Variants in ZNF679 observed in about 807,000 individuals in gnomAD.
ZNF679 encodes the protein zinc finger protein 679.
In ZNF679, 10 loss-of-function variants were observed where a neutral mutation model predicts 13.4. That is an observed-to-expected ratio of 0.75 (90% CI 0.46 to 1.27). The LOEUF (loss-of-function observed/expected upper bound fraction) is 1.27, where lower values mean the gene tolerates loss of function less well. Among genes scored for constraint, ZNF679 ranks in the 50% most tolerant of loss-of-function variants. ZNF679 has a pLI of 0.00. For missense variants in ZNF679, 525 were observed against 477.8 expected (o/e 1.10, Z -0.92); for synonymous variants, 179 against 162.5 (o/e 1.10, Z -0.77).
At chr7:64,260,984 A>G (rs1272237516) in intron 4 of ZNF679, 55 bp downstream of exon 4, 2 of 1,525,302 alleles carry the variant, frequency 1.3e-6, no homozygotes, top group African/African-American at 1.4e-5. Flanking sequence ...AAAGTCAAGG[A>G]GGAAGCCAGT....
chr7:64,249,646 T>C (rs796135523), intron 2 of ZNF679, among the ~76,000 whole-genome samples: 16 of 152,288 alleles, frequency 1.1e-4, no homozygotes, highest in African/African-American at 3.6e-4. Flanking sequence ...TTGTGGTCCA[T>C]GGGAGAGACT....
chr7:64,253,709 A>G (rs1787970239), intron 2 of ZNF679, among the ~76,000 whole-genome samples: 1 of 152,212 alleles, frequency 6.6e-6, no homozygotes, highest in South Asian at 2.1e-4. Context: ...AGAGAATAGC[A>G]AACAAATTTA....
chr7:64,266,554 A>T lies in ZNF679; in HGVS notation c.921A>T (p.Leu307Phe), dbSNP rs372911032. The T allele has an allele frequency of 1.2e-5, 20 of 1,611,204 alleles. No homozygotes were observed. Among genetic ancestry groups the T allele is most frequent in the Admixed American group, 3.3e-5 (2 of 59,900 alleles). ...TCEECGKAFS[L>F]SSSLTYHKRI... ...AAGAATGTGGCAAAGCCTTTAGCTT[A>T]TCCTCATCCCTCACTTACCACAAGA... The change falls in exon 5 of 5, where the codon TTA (leucine) becomes TTT (phenylalanine). Residue 307 changes from leucine to phenylalanine, a missense_variant. Leu to Phe is a conservative substitution (Grantham distance 22). Transcript: ENST00000421025.
At chr7:64,231,672 A>G (rs1787641134) in intron 1 of ZNF679, among the ~76,000 whole-genome samples, 1 of 152,150 alleles carries the variant, frequency 6.6e-6, no homozygotes, top group African/African-American at 2.4e-5. Context: ...AGTTGAGCCT[A>G]GAAAGAAAGG....
At chr7:64,260,022 T>C (rs1788054036) in intron 2 of ZNF679, among the ~76,000 whole-genome samples, 199 bp from the exon 3 acceptor site, 1 of 152,184 alleles carries the variant, frequency 6.6e-6, no homozygotes, top group African/African-American at 2.4e-5. Context: ...AAAAGTATCA[T>C]ATCTACAGTG....
intron 1 of ZNF679, among the ~76,000 whole-genome samples, chr7:64,239,275 C>T (rs1208573932): frequency 1.3e-5 from 2 of 152,162 alleles, no homozygotes; most frequent in Non-Finnish European, 2.9e-5. Flanking sequence ...TTGTGACACC[C>T]CTACTGGGAC....
At chr7:64,241,189 T>G (rs1029961604) in intron 1 of ZNF679, among the ~76,000 whole-genome samples, 11 of 152,206 alleles carry the variant, frequency 7.2e-5, no homozygotes, top group African/African-American at 2.7e-4. Context: ...GTCATAATAG[T>G]CTGTGACCAT....
chr7:64,248,079 A>G (rs956858562), intron 1 of ZNF679, among the ~76,000 whole-genome samples: 2 of 152,054 alleles, frequency 1.3e-5, no homozygotes, highest in African/African-American at 2.4e-5. Flanking sequence ...TCCTCAGGAA[A>G]CCTACAATCA....
At chr7:64,257,659 C>T (rs1214393452) in intron 2 of ZNF679, among the ~76,000 whole-genome samples, 3 of 152,152 alleles carry the variant, frequency 2.0e-5, no homozygotes, top group East Asian at 1.9e-4. Context: ...AAGTGCAGAC[C>T]TACTCAGACA....
chr7:64,251,368 C>A (rs1472972025), intron 2 of ZNF679, among the ~76,000 whole-genome samples: 1 of 151,998 alleles, frequency 6.6e-6, no homozygotes, highest in Non-Finnish European at 1.5e-5. Flanking sequence ...ACAAGAAAAT[C>A]ACTTGAATCC....
chr7:64,249,044 T>C lies in ZNF679; in HGVS notation c.-74T>C, dbSNP rs2116528895. ...TGCGTCCAGAGCTCCAGTTCTTCTC[T>C]TCACTGCTCTGCGTCCTCTGTTCCT... On this transcript the variant is annotated 5_prime_UTR_variant, in exon 2 of 5. Coordinates refer to ENST00000421025, the MANE Select transcript of ZNF679 (RefSeq NM_153363.3). 5.0e-6 allele frequency: 8 copies of C among 1,605,620 alleles called. No individual in the cohort carries two copies. The South Asian group carries it at 8.9e-5, about 18-fold the overall frequency.
rs889319224 is a variant in ZNF679 at position 64,236,999 on chromosome 7, G to A, written c.-91+8347G>A. ...AAAAAGAAAGAAAGAAAGAAAGAAA[G>A]AAAAAGAAAGAAAGAAAGAAAGAAA... is the stretch of plus-strand genomic sequence containing the variant. On this transcript the variant is annotated intron_variant, in intron 1 of 4. Transcript: ENST00000421025. Among the ~76,000 whole-genome samples the A allele has an allele frequency of 5.6e-3, 248 of 44,556 alleles. 4 individuals are homozygous for A. The highest frequency in any genetic ancestry group is 4.3e-3 in the Non-Finnish European group (113 of 25,988). 29.2% of individuals were successfully genotyped at this position (44,556 alleles called of 152,430 possible).
intron 1 of ZNF679, among the ~76,000 whole-genome samples, chr7:64,240,182 A>G (rs566486046): frequency 1.3e-5 from 2 of 151,558 alleles, no homozygotes; most frequent in Non-Finnish European, 2.9e-5. Flanking sequence ...GAGGATTTTC[A>G]CCCATCACTT....
intron 4 of ZNF679, among the ~76,000 whole-genome samples, chr7:64,261,219 G>A (rs1788073232): frequency 6.6e-6 from 1 of 151,980 alleles, no homozygotes; most frequent in Non-Finnish European, 1.5e-5. Flanking sequence ...ATTGTTTTGG[G>A]GGCATGCTAA....
At chr7:64,243,612 A>G (rs563338078) in intron 1 of ZNF679, among the ~76,000 whole-genome samples, 5 of 152,318 alleles carry the variant, frequency 3.3e-5, no homozygotes, top group Non-Finnish European at 5.9e-5. Flanking sequence ...GGAGAGTCAT[A>G]TCGCCTAGGT....
chr7:64,228,709 C>T (rs6965243), intron 1 of ZNF679, 57 bp downstream of exon 1: 107,985 of 152,092 alleles, frequency 0.71, 38,853 homozygotes, highest in East Asian at 0.9. Context: ...GATCCGTGCA[C>T]GAGAGCTCCA....
At chr7:64,263,878 T>A (rs1315919835) in intron 4 of ZNF679, among the ~76,000 whole-genome samples, 2 of 152,212 alleles carry the variant, frequency 1.3e-5, no homozygotes, top group East Asian at 3.8e-4. Context: ...GCAAAATGAA[T>A]TCATACACTA....
chr7:64,237,461 T>C (rs908413451), intron 1 of ZNF679, among the ~76,000 whole-genome samples: 1 of 152,132 alleles, frequency 6.6e-6, no homozygotes, highest in Non-Finnish European at 1.5e-5. Flanking sequence ...AGACATGGAA[T>C]CACAGGACAA....
intron 4 of ZNF679, 111 bp from the exon 5 acceptor site, chr7:64,265,785 T>A (rs1788135474): frequency 8.1e-7 from 1 of 1,241,128 alleles, no homozygotes; most frequent in African/African-American, 1.5e-5. Flanking sequence ...CTGTGGTAAT[T>A]TGATATGCCA....
Sources: gnomAD v4.1 joint callset for allele counts (sites outside exome capture counted in the v4.1 genomes callset) on GRCh38, gnomAD v4.1.1 for gene constraint, MANE v1.5 for transcripts, NCBI Gene and HGNC (gene_info 2026-07-23, HGNC 2026-07-21) for gene names.